Variants in S100Z observed in about 807,000 individuals in gnomAD.
S100Z encodes the protein protein S100-Z.
In S100Z, 11 loss-of-function variants were observed where a neutral mutation model predicts 8.5. That is an observed-to-expected ratio of 1.30 (90% CI 0.82 to 2.15). The LOEUF (loss-of-function observed/expected upper bound fraction) is 2.15. Ranked by LOEUF, S100Z falls within the 30% of genes most tolerant of loss-of-function variation. S100Z has a pLI of 0.00. For synonymous variants in S100Z, 34 were observed against 43.8 expected (o/e 0.78, Z 0.89); for missense variants, 126 against 117.9 (o/e 1.07, Z -0.32).
In S100Z at chr5:76,863,790, G is replaced by A. The variant is rs551615502; in HGVS notation, c.-175-6376G>A. On this transcript the variant is annotated intron_variant, in intron 1 of 4. Coordinates refer to ENST00000317593, the MANE Select transcript of S100Z (RefSeq NM_130772.4). ...CCTGACCTTGTGATCCACCCACCTT[G>A]GCCTCCCAAAGTACTGGGATTACAG... 1.3e-3 allele frequency among the ~76,000 whole-genome samples: 199 copies of A among 152,216 alleles called. 1 individual carries two copies. Among genetic ancestry groups the A allele is most frequent in the African/African-American group, 4.5e-3 (187 of 41,522 alleles).
At chr5:76,862,345 T>A (rs1322371880) in intron 1 of S100Z, among the ~76,000 whole-genome samples, 1 of 152,108 alleles carries the variant, frequency 6.6e-6, no homozygotes, top group African/African-American at 2.4e-5. Context: ...TAGGCAAGAT[T>A]GGGCAGCATA....
chr5:76,886,123 G>A (rs1438182180), intron 4 of S100Z, among the ~76,000 whole-genome samples: 1 of 152,112 alleles, frequency 6.6e-6, no homozygotes, highest in Admixed American at 6.5e-5. Flanking sequence ...TTGCCCCCCA[G>A]AAAAGTGGTG....
intron 1 of S100Z, among the ~76,000 whole-genome samples, chr5:76,861,246 G>A (rs1360016870): frequency 1.3e-5 from 2 of 152,154 alleles, no homozygotes; most frequent in Admixed American, 6.6e-5. Flanking sequence ...CCTTTGTCCT[G>A]TAGATCTCTC....
rs575727574 is a variant in S100Z, at chr5:76,895,477, T to TA, written c.*2+17652dup. 7.6e-3 allele frequency among the ~76,000 whole-genome samples: 1,148 copies of TA among 151,384 alleles called. 12 individuals carry two copies. The highest frequency in any genetic ancestry group is 0.025 in the African/African-American group (1,025 of 41,316). On this transcript the variant is annotated intron_variant, in intron 4 of 4. Transcript: ENST00000317593. ...TGAAAGTTAAAGCCCAATGACAGTT[T>TA]AAAAAAAAACCCCTGATGTCCAACT...
At chr5:76,920,238 G>A (rs35799724) in intron 4 of S100Z, among the ~76,000 whole-genome samples, 52,340 of 152,046 alleles carry the variant, frequency 0.34, 10,771 homozygotes, top group East Asian at 0.48. Flanking sequence ...TGGGTGGTTT[G>A]TTTTCTTATT....
At chr5:76,876,202 C>T (rs1216853895) in intron 3 of S100Z, among the ~76,000 whole-genome samples, 1 of 152,164 alleles carries the variant, frequency 6.6e-6, no homozygotes, top group Non-Finnish European at 1.5e-5. Flanking sequence ...TCTCTCCAAA[C>T]CTTGTGTTAA....
chr5:76,898,408 G>A (rs577437720), intron 4 of S100Z, among the ~76,000 whole-genome samples: 64 of 152,062 alleles, frequency 4.2e-4, no homozygotes, highest in African/African-American at 1.4e-3. Context: ...CAGGTGATCC[G>A]CCCACCTCGG....
chr5:76,881,066 A>C (rs111744818), intron 4 of S100Z, among the ~76,000 whole-genome samples: 2,184 of 152,300 alleles, frequency 0.014, 60 homozygotes, highest in African/African-American at 0.049. Flanking sequence ...CAAGTATAAA[A>C]GTAAAGAATA....
chr5:76,936,399 CAA>C, the S100Z span, among the ~76,000 whole-genome samples: 1 of 151,904 alleles, frequency 6.6e-6, no homozygotes, highest in African/African-American at 2.4e-5. Flanking sequence ...GGATAAATAT[CAA>C]AACGTTAACC....
chr5:76,941,183 T>G, the S100Z span, among the ~76,000 whole-genome samples: 11 of 152,302 alleles, frequency 7.2e-5, no homozygotes, highest in South Asian at 1.9e-3. Flanking sequence ...TTAATTTTTT[T>G]CGTTTTGACA....
chr5:76,938,141 CA>C, the S100Z span, among the ~76,000 whole-genome samples: 1 of 152,060 alleles, frequency 6.6e-6, no homozygotes, highest in Middle Eastern at 3.4e-3. Context: ...TGAGATTGGT[CA>C]AAAAGGTATG....
chr5:76,887,615 C>A (rs1275505056), intron 4 of S100Z, among the ~76,000 whole-genome samples: 1 of 151,912 alleles, frequency 6.6e-6, no homozygotes, highest in Non-Finnish European at 1.5e-5. Flanking sequence ...CCAGGCCAGT[C>A]TTGAACTCCT....
intron 2 of S100Z, 87 bp from the exon 3 acceptor site, chr5:76,875,217 A>G: frequency 1.4e-6 from 1 of 727,928 alleles, no homozygotes; most frequent in Non-Finnish European, 2.1e-6. Flanking sequence ...AACAACCATC[A>G]CTTGTGTGGC....
At chr5:76,877,432 G>A (rs1214844909) in intron 3 of S100Z, among the ~76,000 whole-genome samples, 1 of 152,148 alleles carries the variant, frequency 6.6e-6, no homozygotes, top group Non-Finnish European at 1.5e-5. Flanking sequence ...ACTTTGATCA[G>A]CTGCTGTTTG....
chr5:76,933,464 G>A, the S100Z span, among the ~76,000 whole-genome samples: 4 of 152,206 alleles, frequency 2.6e-5, no homozygotes, highest in Non-Finnish European at 4.4e-5. Context: ...TGACCTGGTC[G>A]ACATAACCAC....
chr5:76,911,467 C>A (rs946955160), intron 4 of S100Z, among the ~76,000 whole-genome samples: 2 of 152,178 alleles, frequency 1.3e-5, no homozygotes, highest in African/African-American at 4.8e-5. Context: ...ACTCTGACTC[C>A]CAGTTTCTCT....
At chr5:76,925,420 A>C (rs1039746387), downstream of S100Z, among the ~76,000 whole-genome samples, 2 of 152,144 alleles carry the variant, frequency 1.3e-5, no homozygotes, top group East Asian at 3.9e-4. Context: ...CTGGAAACAG[A>C]GTAGGTCTCA....
At chr5:76,889,981 T>C (rs1743801189) in intron 4 of S100Z, among the ~76,000 whole-genome samples, 2 of 152,232 alleles carry the variant, frequency 1.3e-5, no homozygotes, top group African/African-American at 2.4e-5. Flanking sequence ...ACAATGCCAA[T>C]AGTGAGAAAG....
At chr5:76,874,933 G>GGA (rs1344021981) in intron 2 of S100Z, among the ~76,000 whole-genome samples, 1 of 151,858 alleles carries the variant, frequency 6.6e-6, no homozygotes, top group Non-Finnish European at 1.5e-5. Context: ...CGCCCAGGCT[G>GGA]GAGTGCAGTG....
Sources: gnomAD v4.1 joint callset for allele counts (sites outside exome capture counted in the v4.1 genomes callset) on GRCh38, gnomAD v4.1.1 for gene constraint, MANE v1.5 for transcripts, NCBI Gene and HGNC (gene_info 2026-07-23, HGNC 2026-07-21) for gene names.